The following MAGI2 variants were observed in gnomAD, a reference collection of about 807,000 sequenced individuals.
The protein encoded by MAGI2 is membrane-associated guanylate kinase, WW and PDZ domain-containing protein 2.
A neutral mutation model predicts 133.3 loss-of-function variants in MAGI2; 35 were observed. The observed-to-expected ratio is 0.26, with a 90% confidence interval of 0.20 to 0.35. The LOEUF is 0.35. Among genes scored for constraint, MAGI2 ranks in the 10% least tolerant of loss-of-function variants. The pLI is 1.00. For synonymous variants in MAGI2, 729 were observed against 710.6 expected (o/e 1.03, Z -0.41); for missense variants, 1,636 against 1,863.4 (o/e 0.88, Z 2.25).
At chr7:78,120,369 C>G (rs1415584426) in intron 20 of MAGI2, among the ~76,000 whole-genome samples, 1 of 152,154 alleles carries the variant, frequency 6.6e-6, no homozygotes, top group Non-Finnish European at 1.5e-5. Context: ...TGCCACTGCA[C>G]TCCAGCCCAG....
intron 1 of MAGI2, among the ~76,000 whole-genome samples, chr7:79,169,207 T>C (rs771494193): frequency 1.3e-5 from 2 of 152,024 alleles, no homozygotes; most frequent in Non-Finnish European, 1.5e-5. Context: ...TTCCTCAGGG[T>C]TCTTCCTGTG....
In MAGI2 at chr7:79,195,785, A is replaced by ATT. The variant is rs60360552; in HGVS notation, c.302-188581_302-188580dup. 2.4e-4 allele frequency among the ~76,000 whole-genome samples: 36 copies of ATT among 148,992 alleles called. No homozygotes were observed. The East Asian group carries it at 3.5e-3, about 15-fold the overall frequency. On this transcript the variant is annotated intron_variant, in intron 1 of 21. Coordinates refer to ENST00000354212, the MANE Select transcript of MAGI2 (RefSeq NM_012301.4). Reference sequence around the variant, plus strand: ...ATCCAGCATCAATCTAATACTAAGGATTTTTTTTTTTGAGATTTAATATAC... The same window carrying ATT: ...ATCCAGCATCAATCTAATACTAAGGATTTTTTTTTTTTTGAGATTTAATATAC...
intron 2 of MAGI2, among the ~76,000 whole-genome samples, chr7:78,787,137 G>A (rs1249099666): frequency 6.6e-6 from 1 of 151,992 alleles, no homozygotes; most frequent in Non-Finnish European, 1.5e-5. Flanking sequence ...TAGTAGAGAG[G>A]GGGTTTCACC....
chr7:78,177,227 C>T (rs896946545), intron 14 of MAGI2, among the ~76,000 whole-genome samples: 1 of 152,112 alleles, frequency 6.6e-6, no homozygotes, highest in Non-Finnish European at 1.5e-5. Context: ...TAGCTGACTG[C>T]ACTGCTCAGG....
intron 1 of MAGI2, among the ~76,000 whole-genome samples, chr7:79,217,210 C>T (rs948187028): frequency 2.0e-5 from 3 of 151,834 alleles, no homozygotes; most frequent in Non-Finnish European, 4.4e-5. Flanking sequence ...AAGATGAATC[C>T]TGATAAAGGA....
chr7:79,199,974 C>T (rs897890986), intron 1 of MAGI2, among the ~76,000 whole-genome samples: 5 of 151,876 alleles, frequency 3.3e-5, no homozygotes, highest in Admixed American at 3.3e-4. Flanking sequence ...AATTCTTAGA[C>T]TACACAATTA....
chr7:78,048,287 A>G (rs1224051821), intron 21 of MAGI2, among the ~76,000 whole-genome samples: 4 of 152,192 alleles, frequency 2.6e-5, no homozygotes, highest in Admixed American at 6.5e-5. Context: ...TTGAAGGGAT[A>G]GTGTCTTAGG....
chr7:78,390,168 T>C (rs1369855353), intron 6 of MAGI2, among the ~76,000 whole-genome samples: 1 of 152,222 alleles, frequency 6.6e-6, no homozygotes, highest in Non-Finnish European at 1.5e-5. Context: ...ACCATTTTTC[T>C]AAGAGTAATA....
intron 3 of MAGI2, among the ~76,000 whole-genome samples, chr7:78,573,237 T>TATATAA (rs1554481466): frequency 7.3e-4 from 47 of 64,342 alleles, no homozygotes; most frequent in African/African-American, 3.5e-3. Context: ...AATATAAATA[T>TATATAA]ATATATATAA....
At chr7:78,236,891 G>T (rs1002325753) in intron 10 of MAGI2, among the ~76,000 whole-genome samples, 2 of 152,002 alleles carry the variant, frequency 1.3e-5, no homozygotes, top group South Asian at 4.1e-4. Context: ...AAGGAGAAAG[G>T]CATGTCTTAC....
At chr7:78,267,000 G>A (rs1794086403) in intron 9 of MAGI2, among the ~76,000 whole-genome samples, 1 of 152,136 alleles carries the variant, frequency 6.6e-6, no homozygotes, top group Non-Finnish European at 1.5e-5. Flanking sequence ...CCCACACTGG[G>A]TGTTGCAGGA....
intron 2 of MAGI2, among the ~76,000 whole-genome samples, chr7:78,955,948 T>G (rs1802344011): frequency 1.3e-5 from 2 of 152,000 alleles, no homozygotes; most frequent in South Asian, 4.1e-4. Context: ...TGCCTTTTTT[T>G]TTGTTTTCAG....
intron 18 of MAGI2, among the ~76,000 whole-genome samples, chr7:78,131,025 C>T (rs1821505713): frequency 1.3e-5 from 2 of 152,184 alleles, no homozygotes; most frequent in African/African-American, 4.8e-5. Context: ...CCAGGGAAAT[C>T]TGACTCTGGA....
At chr7:78,420,262 T>A (rs944844334) in intron 6 of MAGI2, among the ~76,000 whole-genome samples, 4 of 152,120 alleles carry the variant, frequency 2.6e-5, no homozygotes, top group African/African-American at 7.2e-5. Flanking sequence ...TACCAAACAG[T>A]CCACACCAAC....
intron 1 of MAGI2, among the ~76,000 whole-genome samples, chr7:79,292,028 A>G (rs1488443182): frequency 6.6e-6 from 1 of 151,990 alleles, no homozygotes; most frequent in Non-Finnish European, 1.5e-5. Context: ...CAAAACTTTT[A>G]TAGTTTTAGC....
chr7:79,405,921 CAAAAA>C (rs34025242), intron 1 of MAGI2, among the ~76,000 whole-genome samples: 3 of 107,300 alleles, frequency 2.8e-5, no homozygotes, highest in East Asian at 2.4e-4. Context: ...AACCACAACA[CAAAAA>C]AAAAAAAAAA....
intron 9 of MAGI2, among the ~76,000 whole-genome samples, chr7:78,284,899 A>T (rs1432566485): frequency 2.0e-5 from 3 of 152,176 alleles, no homozygotes; most frequent in Non-Finnish European, 4.4e-5. Context: ...ATTTCATTCC[A>T]GAAATAAGTA....
intron 1 of MAGI2, among the ~76,000 whole-genome samples, chr7:79,439,054 A>G (rs996167635): frequency 7.2e-5 from 11 of 152,000 alleles, no homozygotes; most frequent in Admixed American, 7.2e-4. Context: ...AGAAGTGCTC[A>G]GTTACCCCTT....
chr7:79,171,770 A>ATATATATATATATATATTTTTTTTTTTT, intron 1 of MAGI2, among the ~76,000 whole-genome samples: 2 of 31,222 alleles, frequency 6.4e-5, no homozygotes, highest in South Asian at 8.1e-4. Context: ...ATATATATAT[A>ATATATATATATATATATTTTTTTTTTTT]TTTTTTTTTT....
Sources: allele counts gnomAD v4.1 joint callset (sites outside exome capture counted in the v4.1 genomes callset), GRCh38; gene constraint gnomAD v4.1.1; transcripts MANE v1.5; gene names NCBI Gene and HGNC (gene_info 2026-07-23, HGNC 2026-07-21).